Variants in ABCA13 observed in about 807,000 individuals in gnomAD.
ABCA13 encodes the protein ATP-binding cassette sub-family A member 13.
Under a neutral mutation model 478.7 loss-of-function variants are expected in ABCA13, and 476 were observed. The ratio of observed to expected loss-of-function variants is 0.99; its 90% CI spans 0.92 to 1.07. The LOEUF (loss-of-function observed/expected upper bound fraction) is 1.07, where lower values mean the gene tolerates loss of function less well. Ranked by LOEUF, ABCA13 falls within the 50% of genes least tolerant of loss-of-function variation. ABCA13 has a pLI of 0.00. For synonymous variants in ABCA13, 2,252 were observed against 2,158.9 expected (o/e 1.04, Z -1.20); for missense variants, 6,060 against 5,910.6 (o/e 1.03, Z -0.83).
rs1789852767 is a variant in ABCA13, at chr7:48,592,421, C to T, written c.14641-2289C>T. On this transcript the variant is annotated intron_variant, in intron 57 of 61. Transcript: ENST00000435803. ...TCCTTATTAATTTCTAGTATCATAC[C>T]ATGGTGGTCTGAAATGATACTGGAT... Among the ~76,000 whole-genome samples the T allele has an allele frequency of 2.0e-5, 3 of 151,688 alleles. 1 individual carries two copies. In the South Asian group the frequency reaches 6.2e-4, roughly 31 times the overall value.
chr7:48,285,390 C>A (rs533004727), intron 19 of ABCA13, among the ~76,000 whole-genome samples: 1 of 152,218 alleles, frequency 6.6e-6, no homozygotes, highest in East Asian at 1.9e-4. Context: ...AGAGGGTACC[C>A]GGGAAAGTTG....
At chr7:48,341,727 G>A (rs1209890433) in intron 29 of ABCA13, among the ~76,000 whole-genome samples, 1 of 148,928 alleles carries the variant, frequency 6.7e-6, no homozygotes, top group Non-Finnish European at 1.5e-5. Flanking sequence ...CTTTTGCCCT[G>A]TGTGTGTGTA....
At position 48,278,154 on chromosome 7, in the gene ABCA13, G is replaced by C; in HGVS notation, c.6960G>C (p.Met2320Ile). 6.6e-7 allele frequency: 1 copy of C among 1,504,256 alleles called. No individual in the cohort carries two copies. The allele number at this position is 1,504,256 out of a possible 1,614,324, so 93.2% of individuals were successfully genotyped here. Residue 2320 changes from methionine (M) to isoleucine (I), a missense_variant, in exon 18 of 62, where the codon ATG (methionine) becomes ATC (isoleucine). By Grantham distance (10) the Met-to-Ile change is conservative. This residue lies in a region of ABCA13 where 4,423 missense variants were observed against 4,309.1 expected (regional missense o/e 1.03). Coordinates refer to ENST00000435803, the MANE Select transcript of ABCA13 (RefSeq NM_152701.5). ...AACTGGATCAATTTCTTACCCTGAT[G>C]ATACAAGACAGATTGATGAACATTT... is the stretch of plus-strand genomic sequence containing the variant. The part of the protein sequence containing the change: ...ILKLDQFLTL[M>I]IQDRLMNIFS...
At chr7:48,518,135 T>A (rs1294557961) in intron 52 of ABCA13, among the ~76,000 whole-genome samples, 1 of 152,208 alleles carries the variant, frequency 6.6e-6, no homozygotes. Flanking sequence ...TATTAATATG[T>A]CTACACTTTA....
intron 26 of ABCA13, among the ~76,000 whole-genome samples, 197 bp downstream of exon 26, chr7:48,314,606 T>A (rs1312636975): frequency 6.6e-6 from 1 of 152,166 alleles, no homozygotes; most frequent in Non-Finnish European, 1.5e-5. Context: ...AGACAAATCC[T>A]CTCACCTGAG....
chr7:48,272,550 C>A lies in ABCA13; in HGVS notation c.2884C>A (p.Leu962Met), dbSNP rs369139123. 1 of 1,613,752 alleles carries A rather than the reference C, an allele frequency of 6.2e-7. No individual in the cohort carries two copies. The highest frequency in any genetic ancestry group is 8.5e-7 in the Non-Finnish European group (1 of 1,179,740). The stretch of plus-strand genomic sequence containing the variant: ...CCAGGACAAGGATTCAGCTTTACTT[C>A]TGCAAATTTATTCTTCATTTTACCG... ...VFQDKDSALL[L>M]QIYSSFYRYI... The change falls in exon 17 of 62, where the codon CTG becomes ATG. Residue 962 changes from leucine to methionine, a missense_variant. By Grantham distance (15) the Leu-to-Met change is conservative (BLOSUM62 2). Around this residue, in one of 3 missense-constraint regions of ABCA13, gnomAD observed 4,423 missense variants for 4,309.1 expected, o/e 1.03. Coordinates refer to ENST00000435803, the MANE Select transcript of ABCA13 (RefSeq NM_152701.5).
chr7:48,198,208 A>G, intron 2 of ABCA13, 29 bp from the exon 3 acceptor site: 1 of 1,599,446 alleles, frequency 6.3e-7, no homozygotes, highest in Non-Finnish European at 8.5e-7. Flanking sequence ...AGGTATACGG[A>G]CTCATTTCTT....
Position 48,215,098 on chromosome 7 carries a change from A to G in ABCA13, c.288-4256A>G, listed in dbSNP as rs1038683009. On this transcript the variant is annotated intron_variant, in intron 3 of 61. Coordinates refer to ENST00000435803, the MANE Select transcript of ABCA13 (RefSeq NM_152701.5). The stretch of plus-strand genomic sequence containing the variant: ...CTACTGCTCTCCAGCCTGGGCAACA[A>G]GAGTGAGACTCTGTCTCTAATAATA... Among the ~76,000 whole-genome samples, 11 of 152,164 alleles carry G rather than the reference A, an allele frequency of 7.2e-5. 1 individual carries two copies. The highest frequency in any genetic ancestry group is 4.1e-4 in the South Asian group (2 of 4,826).
chr7:48,617,086 C>T (rs1391556320), intron 59 of ABCA13, among the ~76,000 whole-genome samples: 2 of 152,026 alleles, frequency 1.3e-5, no homozygotes, highest in African/African-American at 4.8e-5. Context: ...AACTATAAAC[C>T]TATAATAAAC....
At chr7:48,625,528 T>C (rs1793587166) in intron 59 of ABCA13, among the ~76,000 whole-genome samples, 1 of 152,248 alleles carries the variant, frequency 6.6e-6, no homozygotes, top group Non-Finnish European at 1.5e-5. Flanking sequence ...TTAAGAGAGA[T>C]AGTGCACCTC....
Position 48,278,490 on chromosome 7 carries a change from C to G in ABCA13, c.7296C>G (p.His2432Gln). 1 of 1,613,982 alleles carries G rather than the reference C, an allele frequency of 6.2e-7. No individual in the cohort carries two copies. The change falls in exon 18 of 62, where the codon CAC becomes CAG. Residue 2432 changes from histidine (H) to glutamine (Q), a missense_variant. By Grantham distance (24) the His-to-Gln change is conservative (BLOSUM62 0). Coordinates refer to ENST00000435803, the MANE Select transcript of ABCA13 (RefSeq NM_152701.5). ...CAAGACTTCTGGATACAATTTTACA[C>G]TCTCCTAATAAGGACTTCTATGCTT... ...EMARLLDTIL[H>Q]SPNKDFYALY... is the part of the protein sequence containing the mutation.
rs562053966 is a variant in ABCA13 at position 48,343,423 on chromosome 7, G to T, written c.10204+4968G>T. Among the ~76,000 whole-genome samples the T allele has an allele frequency of 2.6e-5, 4 of 152,058 alleles. No homozygotes were observed. In the East Asian group the frequency reaches 7.8e-4, roughly 29 times the overall value. Reference sequence around the variant, plus strand: ...CACCTATAAAGCTGATACCGATTAGGGCCCATGTAGATCCAGAGCTCAAAG... The same window carrying T: ...CACCTATAAAGCTGATACCGATTAGTGCCCATGTAGATCCAGAGCTCAAAG... On this transcript the variant is annotated intron_variant, in intron 29 of 61. Transcript: ENST00000435803.
intron 29 of ABCA13, among the ~76,000 whole-genome samples, chr7:48,350,259 T>C (rs913927014): frequency 6.6e-6 from 1 of 152,030 alleles, no homozygotes; most frequent in African/African-American, 2.4e-5. Context: ...TAGAATTGCT[T>C]GACTCCAGGT....
chr7:48,317,440 G>A (rs1192303700), intron 27 of ABCA13, 144 bp downstream of exon 27: 1 of 983,766 alleles, frequency 1.0e-6, no homozygotes, highest in African/African-American at 1.7e-5. Context: ...TAGCCTGAGT[G>A]TTTTTCCTGT....
intron 58 of ABCA13, among the ~76,000 whole-genome samples, chr7:48,600,729 T>A (rs1166828052): frequency 2.0e-5 from 3 of 152,146 alleles, no homozygotes; most frequent in Non-Finnish European, 4.4e-5. Context: ...ATGCTATAAA[T>A]CCAATAAGGC....
intron 17 of ABCA13, among the ~76,000 whole-genome samples, chr7:48,277,893 C>T (rs1424271784): frequency 6.6e-6 from 1 of 152,000 alleles, no homozygotes; most frequent in Non-Finnish European, 1.5e-5. Context: ...TCATGAAATT[C>T]CTCACTCTTT....
chr7:48,207,799 T>C (rs1437394025), intron 3 of ABCA13, among the ~76,000 whole-genome samples: 2 of 152,186 alleles, frequency 1.3e-5, no homozygotes, highest in African/African-American at 4.8e-5. Flanking sequence ...CAGAAGCTTT[T>C]GAGCTTGATG....
At chr7:48,198,960 AG>A (rs1241697619) in intron 3 of ABCA13, among the ~76,000 whole-genome samples, 2 of 152,176 alleles carry the variant, frequency 1.3e-5, no homozygotes, top group African/African-American at 4.8e-5. Flanking sequence ...GAAGAGACAA[AG>A]TGAGGGGGTT....
At chr7:48,260,078 A>G (rs1368871070) in intron 15 of ABCA13, among the ~76,000 whole-genome samples, 1 of 152,012 alleles carries the variant, frequency 6.6e-6, no homozygotes, top group Non-Finnish European at 1.5e-5. Context: ...TATCTGAATG[A>G]TCTTTGTTCT....
Sources: allele counts gnomAD v4.1 joint callset (sites outside exome capture counted in the v4.1 genomes callset), GRCh38; gene constraint gnomAD v4.1.1; regional missense constraint gnomAD v4.1.1; transcripts MANE v1.5; gene names NCBI Gene and HGNC (gene_info 2026-07-23, HGNC 2026-07-21).